Variants in LRP12 observed in about 807,000 individuals in gnomAD.
The protein encoded by LRP12 is LDL receptor related protein 12.
LRP12 carries 14 observed loss-of-function variants against 66.0 expected under a neutral mutation model. The ratio of observed to expected loss-of-function variants is 0.21; its 90% CI spans 0.14 to 0.33. The LOEUF is 0.33. Among genes scored for constraint, LRP12 ranks in the 10% least tolerant of loss-of-function variants. The pLI is 1.00. For synonymous variants in LRP12, 357 were observed against 359.1 expected, an observed-to-expected ratio of 0.99 and a Z score of 0.07; for missense variants, 889 against 1,053.4, an observed-to-expected ratio of 0.84 and a Z score of 2.16.
intron 1 of LRP12, among the ~76,000 whole-genome samples, chr8:104,541,399 C>T (rs1241808782): frequency 6.6e-6 from 1 of 152,122 alleles, no homozygotes; most frequent in Non-Finnish European, 1.5e-5. Flanking sequence ...AAGGTTCCTA[C>T]CTATGACTGT....
intron 1 of LRP12, among the ~76,000 whole-genome samples, chr8:104,542,261 T>C (rs1171223198): frequency 6.6e-6 from 1 of 152,212 alleles, no homozygotes; most frequent in African/African-American, 2.4e-5. Flanking sequence ...GTGGCTCTTT[T>C]CATGTGCTTA....
Position 104,576,616 on chromosome 8 carries a change from A to G in LRP12, c.79+12203T>C, listed in dbSNP as rs1395517061. On this transcript the variant is annotated intron_variant, in intron 1 of 6. Transcript: ENST00000276654. Reference sequence around the variant, plus strand: ...CAAGGGCTCCTGAATGAAGCACTAAACATGGGAAGGAAGGACCATTACCAG... The same window carrying G: ...CAAGGGCTCCTGAATGAAGCACTAAGCATGGGAAGGAAGGACCATTACCAG... Among the ~76,000 whole-genome samples, 6 of 152,330 alleles carry G rather than the reference A, an allele frequency of 3.9e-5. No individual in the cohort carries two copies. The East Asian group carries it at 9.6e-4, about 24-fold the overall frequency.
At chr8:104,537,918 G>T (rs79189944) in intron 1 of LRP12, among the ~76,000 whole-genome samples, 4,662 of 152,212 alleles carry the variant, frequency 0.031, 237 homozygotes, top group African/African-American at 0.11. Flanking sequence ...TGATCTCTCT[G>T]TGTGTTATTT....
intron 1 of LRP12, among the ~76,000 whole-genome samples, chr8:104,563,843 A>G (rs924917303): frequency 2.0e-5 from 3 of 152,180 alleles, no homozygotes; most frequent in African/African-American, 7.2e-5. Context: ...AGAAATTTCT[A>G]TTCTTTATAA....
At chr8:104,564,981 T>C (rs1349512206) in intron 1 of LRP12, among the ~76,000 whole-genome samples, 3 of 151,924 alleles carry the variant, frequency 2.0e-5, no homozygotes, top group African/African-American at 7.3e-5. Context: ...AATTATAATT[T>C]AGAAGACTAA....
At chr8:104,494,888 G>A (rs1421766327) in intron 6 of LRP12, among the ~76,000 whole-genome samples, 189 bp downstream of exon 6, 1 of 152,054 alleles carries the variant, frequency 6.6e-6, no homozygotes, top group South Asian at 2.1e-4. Context: ...CCAAATCAGA[G>A]GAATGAAAAA....
intron 3 of LRP12, among the ~76,000 whole-genome samples, chr8:104,503,907 A>G (rs1205200085): frequency 6.6e-6 from 1 of 152,170 alleles, no homozygotes; most frequent in Admixed American, 6.5e-5. Flanking sequence ...CCTTGGTGCT[A>G]TAATTAACTT....
intron 1 of LRP12, among the ~76,000 whole-genome samples, chr8:104,545,324 C>T (rs1811537988): frequency 6.6e-6 from 1 of 152,142 alleles, no homozygotes; most frequent in Non-Finnish European, 1.5e-5. Flanking sequence ...GGAATGACAA[C>T]AAAAGATTTA....
At chr8:104,509,616 A>C (rs1810963385) in intron 2 of LRP12, among the ~76,000 whole-genome samples, 1 of 152,196 alleles carries the variant, frequency 6.6e-6, no homozygotes, top group Admixed American at 6.6e-5. Context: ...TTGAAGCACA[A>C]AAGTAGTGAT....
At chr8:104,507,594 T>G (rs1040993885) in intron 3 of LRP12, 1 of 152,230 alleles carries the variant, frequency 6.6e-6, no homozygotes, top group Non-Finnish European at 1.5e-5. Flanking sequence ...AAAAATGTTA[T>G]TTTGTAAACA....
intron 1 of LRP12, among the ~76,000 whole-genome samples, chr8:104,587,560 T>G (rs889938996): frequency 2.6e-5 from 4 of 152,192 alleles, no homozygotes; most frequent in Non-Finnish European, 5.9e-5. Context: ...AACACATCCT[T>G]AATTGTACCA....
At position 104,589,074 on chromosome 8, in the gene LRP12, T is replaced by G; in HGVS notation, c.-177A>C. 1 of 254,596 alleles carries G rather than the reference T, an allele frequency of 3.9e-6. No homozygotes were observed. The allele number at this position is 254,596 out of a possible 1,614,324, so 15.8% of individuals were successfully genotyped here. A position where few individuals can be genotyped will look rare whatever the true frequency, so the allele number is the denominator to read the frequency against. On this transcript the variant is annotated 5_prime_UTR_variant, in exon 1 of 7. Coordinates refer to ENST00000276654, the MANE Select transcript of LRP12 (RefSeq NM_013437.5). The stretch of plus-strand genomic sequence containing the variant: ...AGGGGCCGCCGCCGCCCGCGCGCGC[T>G]CCCTCCTCCCTCCTCCCTCCGGCTC...
chr8:104,513,448 T>A (rs780432178), intron 2 of LRP12, among the ~76,000 whole-genome samples: 1 of 152,218 alleles, frequency 6.6e-6, no homozygotes, highest in Admixed American at 6.5e-5. Flanking sequence ...ATGGGATACA[T>A]TGATAAATTT....
In LRP12 at chr8:104,580,345, T is replaced by A. The variant is rs748442487; in HGVS notation, c.79+8474A>T. Among the ~76,000 whole-genome samples the A allele has an allele frequency of 1.9e-4, 27 of 143,108 alleles. 1 individual carries two copies. The Admixed American group carries it at 1.9e-3, about 10-fold the overall frequency. 93.9% of individuals were successfully genotyped at this position (143,108 alleles called of 152,430 possible). A position where few individuals can be genotyped will look rare whatever the true frequency, so the allele number is the denominator to read the frequency against. ...TCAGGACTAACACAGTGAAACCCTG[T>A]CTCTACTAAAAATAAAAAAAAAAAA... On this transcript the variant is annotated intron_variant, in intron 1 of 6. Coordinates refer to ENST00000276654, the MANE Select transcript of LRP12 (RefSeq NM_013437.5).
intron 2 of LRP12, among the ~76,000 whole-genome samples, chr8:104,515,805 G>A (rs1295712648): frequency 6.6e-6 from 1 of 152,192 alleles, no homozygotes; most frequent in Non-Finnish European, 1.5e-5. Context: ...TACTTAAAAG[G>A]TATGTAGTTG....
At chr8:104,518,165 T>C (rs1428763986) in intron 2 of LRP12, among the ~76,000 whole-genome samples, 3 of 152,090 alleles carry the variant, frequency 2.0e-5, no homozygotes, top group Non-Finnish European at 4.4e-5. Context: ...GTCCAAGAAC[T>C]GTAAGTATCA....
chr8:104,502,581 C>T (rs1588484397), intron 3 of LRP12, among the ~76,000 whole-genome samples: 1 of 152,312 alleles, frequency 6.6e-6, no homozygotes, highest in African/African-American at 2.4e-5. Flanking sequence ...CCACGTTGCA[C>T]AGACTGGCAA....
At chr8:104,494,978 C>T in intron 6 of LRP12, 99 bp downstream of exon 6, 1 of 1,114,954 alleles carries the variant, frequency 9.0e-7, no homozygotes, top group East Asian at 2.4e-5. Flanking sequence ...TCCTTGATTG[C>T]AAAAATTCTG....
chr8:104,572,515 A>C (rs1366958788), intron 1 of LRP12, among the ~76,000 whole-genome samples: 1 of 152,238 alleles, frequency 6.6e-6, no homozygotes, highest in East Asian at 1.9e-4. Flanking sequence ...GCAGTACAGC[A>C]TGAAACCAAG....
Sources: allele counts gnomAD v4.1 joint callset (sites outside exome capture counted in the v4.1 genomes callset), GRCh38; gene constraint gnomAD v4.1.1; transcripts MANE v1.5; gene names NCBI Gene and HGNC (gene_info 2026-07-23, HGNC 2026-07-21).